The following ENOX1 variants were observed in gnomAD, a reference collection of about 807,000 sequenced individuals.
ENOX1 encodes the protein ecto-NOX disulfide-thiol exchanger 1.
ENOX1 carries 42 observed loss-of-function variants against 82.5 expected under a neutral mutation model. The observed-to-expected ratio is 0.51, with a 90% CI of 0.40 to 0.66. The LOEUF (loss-of-function observed/expected upper bound fraction) is 0.66, where lower values mean the gene tolerates loss of function less well. Among genes scored for constraint, ENOX1 ranks in the 30% least tolerant of loss-of-function variants. The probability of loss-of-function intolerance (pLI) is 0.00; values close to 1 mark genes in which losing one functional copy is unlikely to be tolerated. For synonymous variants in ENOX1, 271 were observed against 282.2 expected (o/e 0.96, Z 0.40); for missense variants, 608 against 811.6 (o/e 0.75, Z 3.05).
At chr13:43,637,344 G>A (rs1400276179) in intron 2 of ENOX1, among the ~76,000 whole-genome samples, 2 of 152,104 alleles carry the variant, frequency 1.3e-5, no homozygotes, top group African/African-American at 4.8e-5. Context: ...TCTTTGGTTA[G>A]AAATGAAAAA....
chr13:43,633,462 T>C (rs1594193026), intron 2 of ENOX1, among the ~76,000 whole-genome samples: 1 of 152,148 alleles, frequency 6.6e-6, no homozygotes, highest in Non-Finnish European at 1.5e-5. Flanking sequence ...GCACTGTTTG[T>C]AAAAATCCCG....
chr13:43,486,208 TCAAAAA>T (rs1308505233), intron 2 of ENOX1, among the ~76,000 whole-genome samples: 2 of 151,898 alleles, frequency 1.3e-5, no homozygotes, highest in Non-Finnish European at 2.9e-5. Flanking sequence ...AGACTTCGTC[TCAAAAA>T]CAAAAACAAA....
intron 14 of ENOX1, among the ~76,000 whole-genome samples, chr13:43,253,979 A>C (rs965777055): frequency 1.3e-5 from 2 of 152,346 alleles, no homozygotes; most frequent in South Asian, 4.1e-4. Flanking sequence ...GCTTGCATGC[A>C]AGTCATGTCT....
intron 2 of ENOX1, among the ~76,000 whole-genome samples, chr13:43,503,851 C>T (rs371569503): frequency 1.3e-5 from 2 of 151,546 alleles, no homozygotes; most frequent in African/African-American, 4.8e-5. Context: ...TGTGGGATCA[C>T]ATCAATCTAG....
chr13:43,762,168 A>G (rs2153835758), intron 1 of ENOX1, among the ~76,000 whole-genome samples: 2 of 152,292 alleles, frequency 1.3e-5, no homozygotes, highest in Middle Eastern at 6.8e-3. Context: ...GCTCAGGGGC[A>G]ATTTAAACTT....
chr13:43,412,037 C>A lies in ENOX1; in HGVS notation c.87G>T (p.Gly29=), dbSNP rs755579831. ...QMMAAAADGL[G]SIAIDTTQLN... ...GCTGGGTCGTGTCTATCGCTATACTCCCCAAACCATCGGCTGCTGTGGGGA... is the reference window on the plus strand; with the variant it reads ...GCTGGGTCGTGTCTATCGCTATACTACCCAAACCATCGGCTGCTGTGGGGA... The change falls in exon 5 of 17, where the codon GGG becomes GGT. Residue 29 remains glycine, a synonymous_variant. Coordinates refer to ENST00000690772, the MANE Select transcript of ENOX1 (RefSeq NM_001347969.2). The A allele has an allele frequency of 6.2e-7, 1 of 1,613,874 alleles. No homozygotes were observed. Among genetic ancestry groups the A allele is most frequent in the Non-Finnish European group, 8.5e-7 (1 of 1,179,804 alleles).
chr13:43,572,985 C>G (rs2080251244), intron 2 of ENOX1, among the ~76,000 whole-genome samples: 1 of 152,176 alleles, frequency 6.6e-6, no homozygotes, highest in Non-Finnish European at 1.5e-5. Flanking sequence ...ATTATGCATT[C>G]TTCGATTCTC....
chr13:43,506,072 C>T (rs2077148975), intron 2 of ENOX1, among the ~76,000 whole-genome samples: 1 of 151,988 alleles, frequency 6.6e-6, no homozygotes, highest in African/African-American at 2.4e-5. Flanking sequence ...AGATATGCGG[C>T]ATTATTTCTG....
chr13:43,548,267 C>T (rs1173901889), intron 2 of ENOX1, among the ~76,000 whole-genome samples: 1 of 152,172 alleles, frequency 6.6e-6, no homozygotes, highest in African/African-American at 2.4e-5. Flanking sequence ...CAACTAACAT[C>T]CCTCTCCCTG....
At chr13:43,339,951 T>C (rs551039499) in intron 9 of ENOX1, among the ~76,000 whole-genome samples, 29 of 152,204 alleles carry the variant, frequency 1.9e-4, no homozygotes, top group Non-Finnish European at 4.1e-4. Context: ...CTGAGGACTT[T>C]AGCAGTTATT....
At chr13:43,450,781 C>A (rs1203066325) in intron 3 of ENOX1, among the ~76,000 whole-genome samples, 1 of 152,038 alleles carries the variant, frequency 6.6e-6, no homozygotes, top group African/African-American at 2.4e-5. Flanking sequence ...CAAAGGCGAG[C>A]TCATGGGCAA....
At chr13:43,665,964 T>C (rs1333483436) in intron 2 of ENOX1, among the ~76,000 whole-genome samples, 1 of 150,584 alleles carries the variant, frequency 6.6e-6, no homozygotes, top group South Asian at 2.1e-4. Context: ...ACTTCAGGCA[T>C]GCCTTGAATA....
chr13:43,779,568 G>A (rs969082805), intron 1 of ENOX1, among the ~76,000 whole-genome samples: 3 of 152,220 alleles, frequency 2.0e-5, no homozygotes, highest in East Asian at 1.9e-4. Flanking sequence ...TATGTCTGCT[G>A]CACCAGGCCA....
At chr13:43,301,231 G>A (rs1485917529) in intron 11 of ENOX1, among the ~76,000 whole-genome samples, 2 of 152,188 alleles carry the variant, frequency 1.3e-5, no homozygotes, top group East Asian at 3.8e-4. Context: ...AGGTGTTTGT[G>A]AAGAAATCGA....
chr13:43,589,173 A>C (rs1287859684), intron 2 of ENOX1, among the ~76,000 whole-genome samples: 8 of 151,174 alleles, frequency 5.3e-5, no homozygotes, highest in Non-Finnish European at 1.2e-4. Flanking sequence ...CCATGCAGGA[A>C]AAAAATGACC....
At chr13:43,245,012 T>G (rs1309624738) in intron 14 of ENOX1, among the ~76,000 whole-genome samples, 1 of 152,232 alleles carries the variant, frequency 6.6e-6, no homozygotes, top group Non-Finnish European at 1.5e-5. Context: ...ATGTGCCAGT[T>G]GCCAATAACC....
At chr13:43,293,173 A>G (rs1310313037) in intron 12 of ENOX1, among the ~76,000 whole-genome samples, 1 of 152,136 alleles carries the variant, frequency 6.6e-6, no homozygotes, top group Non-Finnish European at 1.5e-5. Context: ...AACTGAGGTT[A>G]CCACCCCCCT....
At chr13:43,351,553 T>A (rs1485358739) in intron 8 of ENOX1, among the ~76,000 whole-genome samples, 9 of 143,332 alleles carry the variant, frequency 6.3e-5, no homozygotes, top group Non-Finnish European at 3.1e-5. Context: ...CTTAGGTATA[T>A]CTCCCAATGC....
chr13:43,264,935 G>A (rs2044282572), intron 14 of ENOX1, among the ~76,000 whole-genome samples: 2 of 152,200 alleles, frequency 1.3e-5, no homozygotes, highest in South Asian at 4.1e-4. Context: ...TTCTGGGTGA[G>A]GAACAGAGAA....
Sources: gnomAD v4.1 joint callset for allele counts (sites outside exome capture counted in the v4.1 genomes callset) on GRCh38, gnomAD v4.1.1 for gene constraint, MANE v1.5 for transcripts, NCBI Gene and HGNC (gene_info 2026-07-23, HGNC 2026-07-21) for gene names.